The following ROBO2 variants were observed in gnomAD, a reference collection of about 807,000 sequenced individuals.
ROBO2 encodes the protein roundabout homolog 2.
ROBO2 carries 53 observed loss-of-function variants against 160.8 expected under a neutral mutation model. The ratio of observed to expected loss-of-function variants is 0.33; its 90% CI spans 0.26 to 0.41. ROBO2 has a LOEUF of 0.41. ROBO2 is among the 10% of genes least tolerant of loss of function. The pLI is 1.00. For synonymous variants in ROBO2, 664 were observed against 611.7 expected, an observed-to-expected ratio of 1.09 and a Z score of -1.26; for missense variants, 1,577 against 1,722.4, an observed-to-expected ratio of 0.92 and a Z score of 1.49.
In ROBO2 at chr3:77,450,031, G is replaced by GA. The variant is rs11325457; in HGVS notation, c.389-27372dup. 6.0e-3 allele frequency among the ~76,000 whole-genome samples: 898 copies of GA among 149,458 alleles called. 10 individuals are homozygous for GA. Among genetic ancestry groups the GA allele is most frequent in the African/African-American group, 0.02 (807 of 41,022 alleles). On this transcript the variant is annotated intron_variant, in intron 2 of 25. Coordinates refer to ENST00000461745, the Ensembl canonical transcript of ROBO2. ...AAAATCTGTGTCTCCTGTAAACACA[G>GA]AAAAAAAAAAATTTGTAAAGTAATA...
At chr3:76,961,263 A>AC (rs1173297744) in intron 2 of ROBO2, among the ~76,000 whole-genome samples, 11 of 151,678 alleles carry the variant, frequency 7.3e-5, no homozygotes, top group Non-Finnish European at 1.0e-4. Flanking sequence ...AAAAAAAAAA[A>AC]AAAAACACTA....
Position 76,574,771 on chromosome 3 carries a change from TC to T in ROBO2, c.110-523241del, listed in dbSNP as rs1319902337. 2.6e-5 allele frequency among the ~76,000 whole-genome samples: 4 copies of T among 152,096 alleles called. No homozygotes were observed. The East Asian group carries it at 5.8e-4, about 22-fold the overall frequency. On this transcript the variant is annotated intron_variant, in intron 2 of 26. Transcript: ENST00000487694. Reference sequence around the variant, plus strand: ...TAAACACCTCACTGGGGAATCTTGTTCCTGTGCAGATTCTGATTTAATATCT... The same window carrying T: ...TAAACACCTCACTGGGGAATCTTGTTCTGTGCAGATTCTGATTTAATATCT...
intron 1 of ROBO2, among the ~76,000 whole-genome samples, chr3:77,043,543 G>A (rs4521283): frequency 6.6e-6 from 1 of 152,136 alleles, no homozygotes; most frequent in Non-Finnish European, 1.5e-5. Flanking sequence ...GAGAAATGTA[G>A]ATAAACTTTT....
chr3:76,264,463 A>T (rs1706972100), intron 2 of ROBO2, among the ~76,000 whole-genome samples: 2 of 152,160 alleles, frequency 1.3e-5, no homozygotes, highest in Middle Eastern at 6.8e-3. Context: ...CATAACATGA[A>T]TCCATTAAAA....
intron 2 of ROBO2, chr3:76,434,761 G>A: frequency 2.5e-6 from 3 of 1,208,156 alleles, no homozygotes; most frequent in Non-Finnish European, 1.2e-6. Flanking sequence ...TCCGCTTCCT[G>A]CTCAGCCCTG....
intron 5 of ROBO2, among the ~76,000 whole-genome samples, chr3:77,503,451 G>C (rs2087939881): frequency 6.6e-6 from 1 of 151,040 alleles, no homozygotes; most frequent in South Asian, 2.1e-4. Flanking sequence ...GTCAACCCGG[G>C]AGGCAGAGCT....
chr3:76,271,686 A>G (rs1707440571), intron 2 of ROBO2, among the ~76,000 whole-genome samples: 1 of 151,820 alleles, frequency 6.6e-6, no homozygotes, highest in Non-Finnish European at 1.5e-5. Context: ...TATCAACTGT[A>G]TAGCACACTT....
chr3:77,076,278 G>C (rs1186568668), intron 1 of ROBO2, among the ~76,000 whole-genome samples: 1 of 151,960 alleles, frequency 6.6e-6, no homozygotes, highest in Non-Finnish European at 1.5e-5. Flanking sequence ...TATGGTTTCT[G>C]CTTTGTTCTA....
At chr3:76,875,738 T>C (rs540296176) in intron 2 of ROBO2, among the ~76,000 whole-genome samples, 1 of 152,158 alleles carries the variant, frequency 6.6e-6, no homozygotes, top group Non-Finnish European at 1.5e-5. Context: ...CACTGCAACC[T>C]CTGCTTCCCA....
rs36057995 is a variant in ROBO2 at position 77,544,110 on chromosome 3, G to GT, written c.935-2213dup. Among the ~76,000 whole-genome samples the GT allele has an allele frequency of 9.4e-3, 1,333 of 142,422 alleles. 13 individuals are homozygous for GT. Among genetic ancestry groups the GT allele is most frequent in the South Asian group, 0.029 (133 of 4,540 alleles). 93.4% of individuals were successfully genotyped at this position (142,422 alleles called of 152,430 possible). A position where few individuals can be genotyped will look rare whatever the true frequency, so the allele number is the denominator to read the frequency against. ...CAGATGACGGAAACAAACCTTAAGT[G>GT]TTTTTTTTTTTTTTTGGCACAAATA... On this transcript the variant is annotated intron_variant, in intron 6 of 25. Coordinates refer to ENST00000461745, the Ensembl canonical transcript of ROBO2.
intron 23 of ROBO2, chr3:77,629,220 T>G (rs2095103948): frequency 6.6e-6 from 1 of 152,236 alleles, no homozygotes; most frequent in Admixed American, 6.5e-5. Flanking sequence ...AACAGGGTTA[T>G]CTGAGGCGGA....
chr3:77,547,312 TA>T (rs1019909008), intron 7 of ROBO2, among the ~76,000 whole-genome samples: 6 of 152,084 alleles, frequency 3.9e-5, no homozygotes, highest in African/African-American at 1.4e-4. Context: ...ATTTTCCTTC[TA>T]AACTTTCTAG....
At chr3:77,143,174 CTTTTTTT>C (rs10546673) in intron 2 of ROBO2, among the ~76,000 whole-genome samples, 27 of 59,704 alleles carry the variant, frequency 4.5e-4, no homozygotes, top group African/African-American at 1.0e-3. Flanking sequence ...TAAACAGCAG[CTTTTTTT>C]TTTTTTTTTT....
At chr3:76,307,831 A>G (rs2071397702) in intron 2 of ROBO2, among the ~76,000 whole-genome samples, 1 of 151,912 alleles carries the variant, frequency 6.6e-6, no homozygotes, top group Non-Finnish European at 1.5e-5. Context: ...AAAACCTCTA[A>G]AGCACTTAAA....
At chr3:76,646,778 T>A (rs180934407) in intron 2 of ROBO2, among the ~76,000 whole-genome samples, 13 of 152,240 alleles carry the variant, frequency 8.5e-5, no homozygotes, top group Admixed American at 8.5e-4. Flanking sequence ...CCAAACAGGA[T>A]GCAATAATCA....
At position 76,723,971 on chromosome 3, in the gene ROBO2, A is replaced by G. The variant is rs141908728; in HGVS notation, c.110-374043A>G. ...TGTTTCCACACATTAAAGTTTGAGA[A>G]TGGCCGTCTAGATTCTCTTGCTTAT... On this transcript the variant is annotated intron_variant, in intron 2 of 26. Coordinates refer to the ROBO2 transcript ENST00000487694. Among the ~76,000 whole-genome samples, 151 of 152,300 alleles carry G rather than the reference A, an allele frequency of 9.9e-4. 1 individual carries two copies. Among genetic ancestry groups the G allele is most frequent in the African/African-American group, 3.6e-3 (148 of 41,568 alleles).
chr3:76,320,648 C>T (rs35287190), intron 2 of ROBO2, among the ~76,000 whole-genome samples: 8,202 of 152,226 alleles, frequency 0.054, 228 homozygotes, highest in African/African-American at 0.07. Flanking sequence ...ACAGAAGTAC[C>T]TTCTACAATC....
At chr3:76,232,122 A>C (rs1174876906) in intron 2 of ROBO2, among the ~76,000 whole-genome samples, 1 of 152,326 alleles carries the variant, frequency 6.6e-6, no homozygotes, top group Non-Finnish European at 1.5e-5. Flanking sequence ...GTGATCAGCT[A>C]CAGAGACAGC....
intron 2 of ROBO2, among the ~76,000 whole-genome samples, chr3:76,540,674 C>A (rs1266590669): frequency 2.6e-5 from 4 of 152,176 alleles, no homozygotes; most frequent in Non-Finnish European, 5.9e-5. Context: ...CTTCCCTTGT[C>A]ATTTGCCTTA....
Sources: gnomAD v4.1 joint callset for allele counts (sites outside exome capture counted in the v4.1 genomes callset) on GRCh38, gnomAD v4.1.1 for gene constraint, MANE v1.5 for transcripts, NCBI Gene and HGNC (gene_info 2026-07-23, HGNC 2026-07-21) for gene names.